ANO5: variants seen among roughly 807,000 people sequenced by gnomAD.
The protein encoded by ANO5 is anoctamin 5, also known as anoctamin-5.
ANO5 carries 109 observed loss-of-function variants against 121.0 expected under a neutral mutation model. The ratio of observed to expected loss-of-function variants is 0.90; its 90% CI spans 0.77 to 1.06. ANO5 has a LOEUF of 1.06. ANO5 is among the 50% of genes least tolerant of loss of function. The pLI, the probability that ANO5 is intolerant of heterozygous loss-of-function variation, is 0.00. For missense variants in ANO5, 1,064 were observed against 1,078.5 expected, an observed-to-expected ratio of 0.99 and a Z score of 0.19; for synonymous variants, 406 against 359.9, an observed-to-expected ratio of 1.13 and a Z score of -1.45.
chr11:22,275,630 G>A (rs1854811636), intron 20 of ANO5, among the ~76,000 whole-genome samples: 1 of 151,746 alleles, frequency 6.6e-6, no homozygotes, highest in Non-Finnish European at 1.5e-5. Flanking sequence ...GAAAAACAAA[G>A]CAATACAGCA....
chr11:22,215,656 G>A (rs1403312388), intron 3 of ANO5, among the ~76,000 whole-genome samples: 5 of 151,698 alleles, frequency 3.3e-5, no homozygotes, highest in South Asian at 4.2e-4. Context: ...TATTCTTTTC[G>A]TTGCTCACAT....
At chr11:22,222,879 T>C (rs1852700513) in intron 5 of ANO5, among the ~76,000 whole-genome samples, 1 of 151,970 alleles carries the variant, frequency 6.6e-6, no homozygotes, top group African/African-American at 2.4e-5. Context: ...CCCACTTTCT[T>C]AGATGACTGT....
chr11:22,235,028 A>C (rs1853168713), intron 7 of ANO5, among the ~76,000 whole-genome samples: 1 of 152,098 alleles, frequency 6.6e-6, no homozygotes, highest in Non-Finnish European at 1.5e-5. Flanking sequence ...CTATGAATGA[A>C]ATCACTTTTC....
At chr11:22,236,871 G>A in intron 8 of ANO5, among the ~76,000 whole-genome samples, 1 of 152,110 alleles carries the variant, frequency 6.6e-6, no homozygotes, top group Admixed American at 6.6e-5. Context: ...ACGTTTTTTG[G>A]GGGCTGGCAA....
chr11:22,283,307 C>A lies in ANO5; in HGVS notation c.*3542C>A, dbSNP rs906310347. On this transcript the variant is annotated 3_prime_UTR_variant, in exon 22 of 22. Transcript: ENST00000324559. Reference sequence around the variant, plus strand: ...TCTCTTAAATAATGTGTACATAAATCTCAAGAGAATCAAATTCACAGAGTG... The same window carrying A: ...TCTCTTAAATAATGTGTACATAAATATCAAGAGAATCAAATTCACAGAGTG... 6.6e-6 allele frequency: 1 copy of A among 152,108 alleles called. No homozygotes were observed. The highest frequency in any genetic ancestry group is 6.5e-5 in the Admixed American group (1 of 15,278). 9.4% of individuals were successfully genotyped at this position (152,108 alleles called of 1,614,324 possible).
intron 1 of ANO5, among the ~76,000 whole-genome samples, chr11:22,199,437 T>C (rs1465995300): frequency 3.3e-5 from 5 of 152,112 alleles, no homozygotes; most frequent in South Asian, 2.1e-4. Flanking sequence ...CACCATATAA[T>C]TGAGGTTCTA....
rs886271838 is a variant in ANO5 at position 22,281,761 on chromosome 11, C to T, written c.*1996C>T. ...GATAAATAAAAACAAATTTAATTCA[C>T]AAAGTTATCTGTACACTGCAGTTTT... On this transcript the variant is annotated 3_prime_UTR_variant, in exon 22 of 22. Transcript: ENST00000324559. 2.0e-5 allele frequency: 3 copies of T among 152,006 alleles called. No individual in the cohort carries two copies. The highest frequency in any genetic ancestry group is 2.9e-5 in the Non-Finnish European group (2 of 67,940). The allele number at this position is 152,006 out of a possible 1,614,324, so 9.4% of individuals were successfully genotyped here.
In ANO5 at chr11:22,221,127, A is replaced by G. The variant is rs1187547198; in HGVS notation, c.211A>G (p.Ile71Val). ...AAAAAATCAGCAAAGCAAAGATTCT[A>G]TCTTCTTCCGAGATGGGATTAGGCA... ...FQKNQQSKDS[I>V]FFRDGIRQID... Residue 71 changes from isoleucine to valine, a missense_variant, in exon 5 of 22, where the codon ATC (isoleucine) becomes GTC (valine). Transcript: ENST00000324559. The G allele has an allele frequency of 3.1e-6, 5 of 1,611,758 alleles. No homozygotes were observed. Among genetic ancestry groups the G allele is most frequent in the South Asian group, 1.1e-5 (1 of 91,022 alleles).
chr11:22,279,861 T>A lies in ANO5; in HGVS notation c.*96T>A. 1 of 864,128 alleles carries A rather than the reference T, an allele frequency of 1.2e-6. No homozygotes were observed. Among genetic ancestry groups the A allele is most frequent in the Non-Finnish European group, 1.6e-6 (1 of 629,644 alleles). 53.5% of individuals were successfully genotyped at this position (864,128 alleles called of 1,614,324 possible). On this transcript the variant is annotated 3_prime_UTR_variant, in exon 22 of 22. Coordinates refer to ENST00000324559, the MANE Select transcript of ANO5 (RefSeq NM_213599.3). ...CAGAAGCCATGTGTCAATTTTACCC[T>A]TTCTTTTTTTTTTTTTTCTTTTTTT...
chr11:22,259,145 A>G (rs939736921), intron 14 of ANO5, among the ~76,000 whole-genome samples: 5 of 151,980 alleles, frequency 3.3e-5, no homozygotes, highest in African/African-American at 1.2e-4. Context: ...AAAAAAAAAA[A>G]AAAAGAGAAA....
At chr11:22,277,940 T>G (rs1402535113) in intron 21 of ANO5, 1 of 151,652 alleles carries the variant, frequency 6.6e-6, no homozygotes, top group Non-Finnish European at 1.5e-5. Context: ...TTATGGGCAG[T>G]CCATTTTTGA....
intron 9 of ANO5, among the ~76,000 whole-genome samples, chr11:22,244,577 C>CTT (rs34123612): frequency 0.11 from 14,460 of 131,040 alleles, 2,517 homozygotes; most frequent in African/African-American, 0.37. Flanking sequence ...AGGTTTTGTT[C>CTT]TTTTTTTTTT....
intron 10 of ANO5, 27 bp downstream of exon 10, chr11:22,250,398 G>A (rs758332804): frequency 1.2e-6 from 2 of 1,612,206 alleles, no homozygotes; most frequent in Non-Finnish European, 1.7e-6. Context: ...TGCCCAGATA[G>A]AGAAAACATC....
intron 3 of ANO5, 47 bp downstream of exon 3, chr11:22,211,361 G>A (rs748523678): frequency 1.9e-6 from 3 of 1,562,818 alleles, no homozygotes; most frequent in Non-Finnish European, 2.6e-6. Flanking sequence ...CACAAATGGG[G>A]CATCTTTTTG....
intron 7 of ANO5, among the ~76,000 whole-genome samples, chr11:22,228,267 C>T (rs1274299149): frequency 6.6e-6 from 1 of 151,954 alleles, no homozygotes; most frequent in Non-Finnish European, 1.5e-5. Flanking sequence ...AAGTGTTCAA[C>T]AAGCGTTAAG....
At chr11:22,277,326 CAT>C (rs1326834663) in intron 21 of ANO5, among the ~76,000 whole-genome samples, 2 of 151,588 alleles carry the variant, frequency 1.3e-5, no homozygotes, top group Non-Finnish European at 3.0e-5. Context: ...TTAGCAGCAA[CAT>C]ATGATCTAAT....
intron 3 of ANO5, among the ~76,000 whole-genome samples, chr11:22,214,713 G>C (rs1422909319): frequency 6.6e-6 from 1 of 151,888 alleles, no homozygotes; most frequent in African/African-American, 2.4e-5. Context: ...CCAATCATTC[G>C]TGAGAAGCAA....
chr11:22,195,740 C>A (rs1038539941), intron 1 of ANO5, among the ~76,000 whole-genome samples: 1 of 152,076 alleles, frequency 6.6e-6, no homozygotes, highest in African/African-American at 2.4e-5. Context: ...TCACACTCCC[C>A]CATTTTAAAA....
rs759644320 is a variant in ANO5 at position 22,236,144 on chromosome 11, CTT to C, written c.649-17_649-16del. 1.8e-5 allele frequency: 28 copies of C among 1,517,362 alleles called. No homozygotes were observed. In the South Asian group the frequency reaches 3.1e-4, roughly 17 times the overall value. 94.0% of individuals were successfully genotyped at this position (1,517,362 alleles called of 1,614,324 possible). On this transcript the variant is annotated splice_polypyrimidine_tract_variant and intron_variant, in intron 7 of 21. Coordinates refer to ENST00000324559, the MANE Select transcript of ANO5 (RefSeq NM_213599.3). ...AAAGTTCTGAGATGTGATAGTGTCT[CTT>C]TGCACTTACCTTGTAGGTGTACTAT...
Sources: gnomAD v4.1 joint callset for allele counts (sites outside exome capture counted in the v4.1 genomes callset) on GRCh38, gnomAD v4.1.1 for gene constraint, MANE v1.5 for transcripts, NCBI Gene and HGNC (gene_info 2026-07-23, HGNC 2026-07-21) for gene names.